Variants in RGMA observed in about 807,000 individuals in gnomAD.
The protein encoded by RGMA is repulsive guidance molecule BMP co-receptor a, also known as repulsive guidance molecule A.
RGMA carries 10 observed loss-of-function variants against 23.2 expected under a neutral mutation model. That is an observed-to-expected ratio of 0.43 (90% CI 0.27 to 0.73). The LOEUF (loss-of-function observed/expected upper bound fraction) is 0.73, where lower values mean the gene tolerates loss of function less well. RGMA is among the 30% of genes least tolerant of loss of function. The pLI, the probability that RGMA is intolerant of heterozygous loss-of-function variation, is 0.20. For missense variants in RGMA, 547 were observed against 630.5 expected, an observed-to-expected ratio of 0.87 and a Z score of 1.42; for synonymous variants, 308 against 279.3, an observed-to-expected ratio of 1.10 and a Z score of -1.03.
At chr15:93,078,719 T>C (rs1486774750) in intron 1 of RGMA, among the ~76,000 whole-genome samples, 1 of 152,246 alleles carries the variant, frequency 6.6e-6, no homozygotes, top group Non-Finnish European at 1.5e-5. Context: ...CTGAGAGATT[T>C]TTCTCAAGGG....
rs2054723578 is a variant in RGMA at position 93,041,531 on chromosome 15, G to A, written c.*3467C>T. On this transcript the variant is annotated 3_prime_UTR_variant, in exon 4 of 4. Coordinates refer to ENST00000329082, the MANE Select transcript of RGMA (RefSeq NM_020211.3). ...AGAATTCCAGCCGGTTACATTTAGG[G>A]TCCTGGAAAAAAAATTCCAAACCAA... 6.6e-6 allele frequency: 1 copy of A among 152,142 alleles called. No homozygotes were observed. The highest frequency in any genetic ancestry group is 6.5e-5 in the Admixed American group (1 of 15,282). The allele number at this position is 152,142 out of a possible 1,614,324, so 9.4% of individuals were successfully genotyped here.
rs747020867 is a variant in RGMA at position 93,066,206 on chromosome 15, TCTC to T, written c.130+6707_130+6709del. ...CCTTCCACGACATCAAATTCCACAG[TCTC>T]CTCATCTCCAACGCTGCGCAGAAAC... On this transcript the variant is annotated intron_variant, in intron 2 of 3. Transcript: ENST00000329082. 3.5e-6 allele frequency: 5 copies of T among 1,415,680 alleles called. No homozygotes were observed. In the Admixed American group the frequency reaches 6.7e-5, roughly 19 times the overall value. 87.7% of individuals were successfully genotyped at this position (1,415,680 alleles called of 1,614,324 possible). A position where few individuals can be genotyped will look rare whatever the true frequency, so the allele number is the denominator to read the frequency against.
intron 2 of RGMA, among the ~76,000 whole-genome samples, chr15:93,060,007 C>A (rs1479124848): frequency 6.6e-6 from 1 of 152,222 alleles, no homozygotes; most frequent in Non-Finnish European, 1.5e-5. Context: ...GAACACAGAG[C>A]CAGCTGCCCC....
At chr15:93,050,347 G>A (rs767882543) in intron 3 of RGMA, among the ~76,000 whole-genome samples, 6 of 152,182 alleles carry the variant, frequency 3.9e-5, no homozygotes, top group African/African-American at 7.2e-5. Context: ...AGCCACCGAC[G>A]TTCTCACCGG....
chr15:93,063,981 CCTCA>C (rs765935399), intron 2 of RGMA, among the ~76,000 whole-genome samples: 1 of 152,222 alleles, frequency 6.6e-6, no homozygotes, highest in Non-Finnish European at 1.5e-5. Context: ...TTTGCCCCAG[CCTCA>C]CTCATACCAA....
At chr15:93,077,830 C>T (rs972486758) in intron 1 of RGMA, among the ~76,000 whole-genome samples, 1 of 152,168 alleles carries the variant, frequency 6.6e-6, no homozygotes, top group Non-Finnish European at 1.5e-5. Flanking sequence ...GTCTCAGCCT[C>T]CTGAGCTGCT....
At chr15:93,076,063 C>T (rs1364592360) in intron 1 of RGMA, among the ~76,000 whole-genome samples, 1 of 152,222 alleles carries the variant, frequency 6.6e-6, no homozygotes. Flanking sequence ...GAACTCAGCA[C>T]TCCGTTCGCC....
chr15:93,049,397 G>A (rs28464235), intron 3 of RGMA, among the ~76,000 whole-genome samples: 2 of 152,174 alleles, frequency 1.3e-5, no homozygotes, highest in Non-Finnish European at 2.9e-5. Context: ...GAAGGCGCAG[G>A]ACTTGAGTTC....
intron 2 of RGMA, among the ~76,000 whole-genome samples, chr15:93,064,034 G>A (rs1432602991): frequency 2.0e-5 from 3 of 152,220 alleles, no homozygotes; most frequent in Non-Finnish European, 4.4e-5. Context: ...AAGGGAAAGG[G>A]CACACCTCAG....
intron 1 of RGMA, among the ~76,000 whole-genome samples, chr15:93,081,714 C>T (rs1461071321): frequency 6.6e-6 from 1 of 152,192 alleles, no homozygotes; most frequent in Non-Finnish European, 1.5e-5. Flanking sequence ...TAGTGCCAAG[C>T]ACAAATACCA....
At chr15:93,063,837 G>T (rs1895051094) in intron 2 of RGMA, among the ~76,000 whole-genome samples, 1 of 152,204 alleles carries the variant, frequency 6.6e-6, no homozygotes, top group Non-Finnish European at 1.5e-5. Context: ...TGACTGTGGA[G>T]GTGGGGGTCA....
intron 1 of RGMA, chr15:93,073,960 G>A (rs1895425339): frequency 7.0e-7 from 1 of 1,424,984 alleles, no homozygotes; most frequent in South Asian, 1.5e-5. Context: ...AGGCCCGCAA[G>A]GCTGCACTTG....
intron 1 of RGMA, among the ~76,000 whole-genome samples, chr15:93,074,622 T>C (rs1429155509): frequency 6.6e-6 from 1 of 152,226 alleles, no homozygotes; most frequent in Non-Finnish European, 1.5e-5. Context: ...TCTAAATATT[T>C]TTCCCCCAAA....
At chr15:93,085,682 A>G (rs906279560) in intron 1 of RGMA, among the ~76,000 whole-genome samples, 4 of 152,218 alleles carry the variant, frequency 2.6e-5, no homozygotes, top group African/African-American at 9.6e-5. Context: ...GAGGTTATAA[A>G]AGACATTTGC....
intron 1 of RGMA, 28 bp downstream of exon 1, chr15:93,088,891 G>C (rs778215513): frequency 6.7e-7 from 1 of 1,491,970 alleles, no homozygotes; most frequent in African/African-American, 1.5e-5. Context: ...TCAGAGCCGG[G>C]TCTGCCCGGC....
chr15:93,068,930 T>C (rs1360940268), intron 2 of RGMA, among the ~76,000 whole-genome samples: 1 of 152,160 alleles, frequency 6.6e-6, no homozygotes, highest in East Asian at 1.9e-4. Flanking sequence ...CCAGCACCTA[T>C]CACTCTTGGA....
chr15:93,073,783 C>G (rs1456425757), intron 1 of RGMA: 5 of 1,536,126 alleles, frequency 3.3e-6, no homozygotes, highest in Non-Finnish European at 4.4e-6. Flanking sequence ...CTGCCTCCAG[C>G]ACCCCCTTCA....
chr15:93,038,854 G>T lies in RGMA; in HGVS notation c.*6144C>A, dbSNP rs930232226. 1 of 152,304 alleles carries T rather than the reference G, an allele frequency of 6.6e-6. No individual in the cohort carries two copies. The highest frequency in any genetic ancestry group is 2.4e-5 in the African/African-American group (1 of 41,452). The allele number at this position is 152,304 out of a possible 1,614,324, so 9.4% of individuals were successfully genotyped here. On this transcript the variant is annotated 3_prime_UTR_variant, in exon 4 of 4. Transcript: ENST00000329082. ...CTCCCAAAGTGCTGGGATTACAGGC[G>T]TGAGCCACCGCTCCCGGCCGAAACT...
chr15:93,065,405 A>G (rs1895110128), intron 2 of RGMA, among the ~76,000 whole-genome samples: 2 of 152,188 alleles, frequency 1.3e-5, no homozygotes, highest in Middle Eastern at 3.4e-3. Flanking sequence ...GGAAGAAAAA[A>G]AAAAAAAAGC....
Sources: gnomAD v4.1 joint callset for allele counts (sites outside exome capture counted in the v4.1 genomes callset) on GRCh38, gnomAD v4.1.1 for gene constraint, MANE v1.5 for transcripts, NCBI Gene and HGNC (gene_info 2026-07-23, HGNC 2026-07-21) for gene names.